CRTC3: variants seen among roughly 807,000 people sequenced by gnomAD.
The protein encoded by CRTC3 is CREB-regulated transcription coactivator 3.
A neutral mutation model predicts 74.5 loss-of-function variants in CRTC3; 26 were observed. The ratio of observed to expected loss-of-function variants is 0.35; its 90% CI spans 0.26 to 0.48. The LOEUF (loss-of-function observed/expected upper bound fraction) is 0.48. CRTC3 is among the 20% of genes least tolerant of loss of function. CRTC3 has a pLI of 0.99. For synonymous variants in CRTC3, 377 were observed against 325.8 expected (o/e 1.16, Z -1.69); for missense variants, 760 against 787.3 (o/e 0.97, Z 0.41).
intron 2 of CRTC3, among the ~76,000 whole-genome samples, chr15:90,580,538 C>CACCA (rs1967514737): frequency 6.6e-6 from 1 of 151,920 alleles, no homozygotes; most frequent in African/African-American, 2.4e-5. Flanking sequence ...AGCGATTCTC[C>CACCA]TGCCTTAGAT....
At chr15:90,533,126 G>A (rs1268260721) in intron 1 of CRTC3, among the ~76,000 whole-genome samples, 2 of 131,260 alleles carry the variant, frequency 1.5e-5, no homozygotes, top group East Asian at 2.3e-4. Flanking sequence ...AAAAAAGGCC[G>A]GGCGCGGTGG....
chr15:90,540,219 G>C (rs1966781345), intron 2 of CRTC3, 82 bp downstream of exon 2: 2 of 985,436 alleles, frequency 2.0e-6, no homozygotes, highest in South Asian at 2.9e-5. Flanking sequence ...ATGAGATCTT[G>C]AAGGATAAGC....
chr15:90,602,420 A>G, intron 4 of CRTC3, 35 bp downstream of exon 4: 1 of 1,147,182 alleles, frequency 8.7e-7, no homozygotes, highest in Non-Finnish European at 1.3e-6. Context: ...TATGATGGGC[A>G]TGTGTTATTT....
rs764471816 is a variant in CRTC3, at chr15:90,643,143, C to T, written c.*1003C>T. 1.3e-5 allele frequency: 3 copies of T among 232,184 alleles called. No individual in the cohort carries two copies. Among genetic ancestry groups the T allele is most frequent in the Non-Finnish European group, 2.6e-5 (3 of 117,460 alleles). The allele number at this position is 232,184 out of a possible 1,614,324, so 14.4% of individuals were successfully genotyped here. ...GACAGTGCCTTATCATTGTTGAACC[C>T]GTAGCACCTAACACGTGCGTGGCAG... On this transcript the variant is annotated 3_prime_UTR_variant, in exon 15 of 15. Coordinates refer to ENST00000268184, the MANE Select transcript of CRTC3 (RefSeq NM_022769.5).
chr15:90,625,663 TC>T, intron 9 of CRTC3, 112 bp from the exon 10 acceptor site: 2 of 945,314 alleles, frequency 2.1e-6, no homozygotes, highest in Non-Finnish European at 3.4e-6. Flanking sequence ...CACCAGGACC[TC>T]GGTCTTTTGT....
chr15:90,618,310 G>C (rs1968549393), intron 8 of CRTC3: 1 of 173,628 alleles, frequency 5.8e-6, no homozygotes, highest in African/African-American at 2.4e-5. Flanking sequence ...TGTTTTTTTA[G>C]CCAGCACTTT....
In CRTC3 at chr15:90,643,495, C is replaced by T. The variant is rs1324876910; in HGVS notation, c.*1355C>T. ...CCTGAGCATCCTGGCTGGGCCCCAC[C>T]CAGGAAGATCTTCCTTCTCAGATCC... On this transcript the variant is annotated 3_prime_UTR_variant, in exon 15 of 15. Coordinates refer to ENST00000268184, the MANE Select transcript of CRTC3 (RefSeq NM_022769.5). 1.7e-5 allele frequency: 4 copies of T among 229,202 alleles called. No homozygotes were observed. The highest frequency in any genetic ancestry group is 4.4e-5 in the African/African-American group (2 of 45,042). The allele number at this position is 229,202 out of a possible 1,614,324, so 14.2% of individuals were successfully genotyped here.
intron 11 of CRTC3, among the ~76,000 whole-genome samples, chr15:90,634,140 C>T (rs554464334): frequency 1.3e-5 from 2 of 149,730 alleles, no homozygotes; most frequent in South Asian, 4.2e-4. Context: ...GAGACAGGGT[C>T]TTGCTCTGTT....
intron 11 of CRTC3, chr15:90,634,666 G>A: frequency 3.5e-6 from 2 of 579,512 alleles, no homozygotes; most frequent in East Asian, 3.0e-5. Flanking sequence ...GGACACTGAG[G>A]GGCTGTCTCC....
intron 11 of CRTC3, among the ~76,000 whole-genome samples, chr15:90,636,271 A>C (rs1450630993): frequency 6.6e-6 from 1 of 151,846 alleles, no homozygotes; most frequent in Non-Finnish European, 1.5e-5. Context: ...CAACCATCTG[A>C]TCTTTGACAA....
At chr15:90,585,288 G>C (rs1646837047) in intron 2 of CRTC3, among the ~76,000 whole-genome samples, 1 of 152,132 alleles carries the variant, frequency 6.6e-6, no homozygotes. Context: ...GGGACTACAG[G>C]TGTGTGCCAC....
intron 9 of CRTC3, among the ~76,000 whole-genome samples, chr15:90,620,644 G>A (rs1968619839): frequency 6.6e-6 from 1 of 152,122 alleles, no homozygotes; most frequent in South Asian, 2.1e-4. Flanking sequence ...GCTGTGTCCT[G>A]AGAGAGCCCC....
intron 1 of CRTC3, among the ~76,000 whole-genome samples, chr15:90,536,299 G>A (rs374640155): frequency 6.6e-6 from 1 of 152,026 alleles, no homozygotes; most frequent in Admixed American, 6.6e-5. Context: ...ACTTTGGGAG[G>A]CTGAGGCGGG....
intron 3 of CRTC3, chr15:90,597,853 G>A (rs927546138): frequency 6.6e-6 from 1 of 152,168 alleles, no homozygotes; most frequent in Admixed American, 6.5e-5. Context: ...ATAAATGCAA[G>A]GACTCAAAAA....
intron 2 of CRTC3, among the ~76,000 whole-genome samples, chr15:90,544,156 C>T (rs1966840185): frequency 6.6e-6 from 1 of 152,164 alleles, no homozygotes. Context: ...GGGGAAGAAT[C>T]CCTCCTTGTC....
At chr15:90,627,857 A>ACC (rs202136005) in intron 10 of CRTC3, among the ~76,000 whole-genome samples, 95,641 of 141,914 alleles carry the variant, frequency 0.67, 33,187 homozygotes, top group South Asian at 0.79. Flanking sequence ...CTCATGATCC[A>ACC]CCCGCCTCGG....
intron 2 of CRTC3, among the ~76,000 whole-genome samples, chr15:90,561,060 A>C (rs1967001018): frequency 6.6e-6 from 1 of 152,182 alleles, no homozygotes. Context: ...CTAGCACTGG[A>C]TCGTAGACAA....
chr15:90,540,882 G>A (rs1288689948), intron 2 of CRTC3, among the ~76,000 whole-genome samples: 1 of 152,198 alleles, frequency 6.6e-6, no homozygotes, highest in Non-Finnish European at 1.5e-5. Flanking sequence ...ACTTTTCTGT[G>A]TACTATGTCT....
At chr15:90,613,640 A>C (rs1018178535) in intron 6 of CRTC3, 1 of 152,198 alleles carries the variant, frequency 6.6e-6, no homozygotes, top group Admixed American at 6.5e-5. Context: ...CCTATAGGTT[A>C]ACCTTAGCCA....
Sources: gnomAD v4.1 joint callset for allele counts (sites outside exome capture counted in the v4.1 genomes callset) on GRCh38, gnomAD v4.1.1 for gene constraint, MANE v1.5 for transcripts, NCBI Gene and HGNC (gene_info 2026-07-23, HGNC 2026-07-21) for gene names.